SHISA9: variants seen among roughly 807,000 people sequenced by gnomAD.
SHISA9 encodes shisa family member 9.
SHISA9 carries 13 observed loss-of-function variants against 38.0 expected under a neutral mutation model. That is an observed-to-expected ratio of 0.34 (90% CI 0.22 to 0.54). The LOEUF is 0.54. Ranked by LOEUF, SHISA9 falls within the 20% of genes least tolerant of loss-of-function variation. The pLI is 0.91. For missense variants in SHISA9, 538 were observed against 575.8 expected, an observed-to-expected ratio of 0.93 and a Z score of 0.67; for synonymous variants, 275 against 242.0, an observed-to-expected ratio of 1.14 and a Z score of -1.27.
intron 2 of SHISA9, among the ~76,000 whole-genome samples, chr16:13,046,613 C>T (rs1035026039): frequency 6.6e-6 from 1 of 152,202 alleles, no homozygotes; most frequent in Admixed American, 6.5e-5. Context: ...CTTTGCTCCT[C>T]CCTCTGCCTA....
the SHISA9 span, among the ~76,000 whole-genome samples, chr16:13,360,712 C>G: frequency 6.6e-6 from 1 of 152,178 alleles, no homozygotes; most frequent in Non-Finnish European, 1.5e-5. Context: ...ATGGTGGCAG[C>G]TCAGTCAAGC....
the SHISA9 span, among the ~76,000 whole-genome samples, chr16:13,334,023 ATT>A: frequency 6.6e-6 from 1 of 152,220 alleles, no homozygotes; most frequent in East Asian, 1.9e-4. Flanking sequence ...ATCTTATTCC[ATT>A]TGACTTCCCC....
At chr16:13,365,926 A>G in the SHISA9 span, among the ~76,000 whole-genome samples, 12 of 152,350 alleles carry the variant, frequency 7.9e-5, no homozygotes, top group Admixed American at 6.5e-4. Flanking sequence ...AAGGACAAGA[A>G]TGGAATGATT....
intron 2 of SHISA9, among the ~76,000 whole-genome samples, chr16:12,955,559 A>G (rs909820015): frequency 1.3e-5 from 2 of 152,164 alleles, no homozygotes; most frequent in Non-Finnish European, 2.9e-5. Context: ...AAAAATAGAT[A>G]CACAGATCAA....
At chr16:12,949,752 G>T (rs894647000) in intron 2 of SHISA9, among the ~76,000 whole-genome samples, 1 of 152,058 alleles carries the variant, frequency 6.6e-6, no homozygotes, top group African/African-American at 2.4e-5. Flanking sequence ...CATAATAATT[G>T]TACATATTTG....
At chr16:13,443,942 C>T in the SHISA9 span, among the ~76,000 whole-genome samples, 1 of 152,314 alleles carries the variant, frequency 6.6e-6, no homozygotes, top group Admixed American at 6.5e-5. Flanking sequence ...TAACTTACTT[C>T]CAAAGTACTT....
chr16:13,267,954 G>A, the SHISA9 span, among the ~76,000 whole-genome samples: 2 of 151,368 alleles, frequency 1.3e-5, no homozygotes, highest in African/African-American at 4.9e-5. Context: ...GATACTTATG[G>A]CCAAAGGATT....
chr16:13,074,487 T>G (rs564822165), intron 2 of SHISA9, among the ~76,000 whole-genome samples: 126 of 152,236 alleles, frequency 8.3e-4, no homozygotes, highest in African/African-American at 2.9e-3. Flanking sequence ...CACTAAAAAT[T>G]GAGAGCATTT....
the SHISA9 span, among the ~76,000 whole-genome samples, chr16:13,413,630 C>A: frequency 3.3e-5 from 5 of 151,952 alleles, no homozygotes; most frequent in Admixed American, 6.6e-5. Context: ...GTGGTGGGTG[C>A]CTGTAATCCC....
chr16:12,911,288 C>A lies in SHISA9; in HGVS notation c.564-5400C>A, dbSNP rs550810253. 8 of 985,280 alleles carry A rather than the reference C, an allele frequency of 8.1e-6. No individual in the cohort carries two copies. The African/African-American group carries it at 1.2e-4, about 15-fold the overall frequency. The allele number at this position is 985,280 out of a possible 1,614,324, so 61.0% of individuals were successfully genotyped here. On this transcript the variant is annotated intron_variant, in intron 1 of 4. Transcript: ENST00000558583. ...TCTGAGAAGCACTCAAACTATGTGCCGCAAACAAACGCCAAATTCTTAGGC... is the reference window on the plus strand; with the variant it reads ...TCTGAGAAGCACTCAAACTATGTGCAGCAAACAAACGCCAAATTCTTAGGC...
At chr16:13,527,954 C>T in the SHISA9 span, among the ~76,000 whole-genome samples, 7 of 152,250 alleles carry the variant, frequency 4.6e-5, no homozygotes, top group South Asian at 1.5e-3. Flanking sequence ...CAGGGCAGCT[C>T]CAAACTCTCA....
chr16:13,302,708 T>C, the SHISA9 span, among the ~76,000 whole-genome samples: 177 of 152,294 alleles, frequency 1.2e-3, no homozygotes, highest in African/African-American at 4.2e-3. Context: ...TAGTCTTCAT[T>C]CATGCGAGTA....
chr16:12,914,649 A>G (rs1441003183), intron 1 of SHISA9, among the ~76,000 whole-genome samples: 1 of 152,070 alleles, frequency 6.6e-6, no homozygotes, highest in African/African-American at 2.4e-5. Flanking sequence ...TAAAGTCCCT[A>G]TGTAATCTCT....
At chr16:13,180,718 C>A (rs961729958) in intron 2 of SHISA9, among the ~76,000 whole-genome samples, 2 of 152,078 alleles carry the variant, frequency 1.3e-5, no homozygotes, top group East Asian at 3.9e-4. Context: ...AATAAACAAA[C>A]TGATCAAATG....
the SHISA9 span, among the ~76,000 whole-genome samples, chr16:13,247,951 G>A: frequency 6.6e-6 from 1 of 152,176 alleles, no homozygotes; most frequent in Non-Finnish European, 1.5e-5. Context: ...ATGTGCGGGT[G>A]CCTTATTTTC....
chr16:13,373,109 T>G, the SHISA9 span, among the ~76,000 whole-genome samples: 1 of 152,126 alleles, frequency 6.6e-6, no homozygotes, highest in Non-Finnish European at 1.5e-5. Context: ...CTTTCTACAC[T>G]TCGTGGTGTT....
At chr16:12,970,394 TATATATATACATATATATATATACAC>T (rs1567357023) in intron 2 of SHISA9, among the ~76,000 whole-genome samples, 24 of 18,274 alleles carry the variant, frequency 1.3e-3, no homozygotes, top group East Asian at 5.0e-3. Flanking sequence ...TATATGTATA[TATATATATACATATATATATATACAC>T]ATATATGTAT....
the SHISA9 span, among the ~76,000 whole-genome samples, chr16:13,384,439 G>A: frequency 6.6e-6 from 1 of 152,232 alleles, no homozygotes; most frequent in Non-Finnish European, 1.5e-5. Context: ...AGGGGCCATG[G>A]TTATTGGAAT....
the SHISA9 span, among the ~76,000 whole-genome samples, chr16:13,469,320 G>GAGAAAAGAAAGAAAGAA: frequency 1.6e-4 from 10 of 61,612 alleles, no homozygotes; most frequent in Non-Finnish European, 3.0e-4. Context: ...GAGAGAGAGA[G>GAGAAAAGAAAGAAAGAA]AGAAAGAAAG....
Sources: gnomAD v4.1 joint callset for allele counts (sites outside exome capture counted in the v4.1 genomes callset) on GRCh38, gnomAD v4.1.1 for gene constraint, MANE v1.5 for transcripts, NCBI Gene and HGNC (gene_info 2026-07-23, HGNC 2026-07-21) for gene names.